The following SHPRH variants were observed in gnomAD, a reference collection of about 807,000 sequenced individuals.
The protein encoded by SHPRH is E3 ubiquitin-protein ligase SHPRH.
Under a neutral mutation model 202.5 loss-of-function variants are expected in SHPRH, and 106 were observed. The ratio of observed to expected loss-of-function variants is 0.52; its 90% CI spans 0.45 to 0.62. SHPRH has a LOEUF of 0.62. Among genes scored for constraint, SHPRH ranks in the 20% least tolerant of loss-of-function variants. SHPRH has a pLI of 0.00. For missense variants in SHPRH, 1,710 were observed against 2,020.0 expected (o/e 0.85, Z 2.94); for synonymous variants, 729 against 686.0 (o/e 1.06, Z -0.98).
chr6:145,894,333 G>C (rs1781820083), intron 26 of SHPRH, 97 bp from the exon 27 acceptor site: 1 of 871,292 alleles, frequency 1.1e-6, no homozygotes, highest in South Asian at 2.7e-5. Flanking sequence ...TTTTATACTG[G>C]AGTTAAGAAA....
At chr6:145,901,277 G>A (rs543241547) in intron 25 of SHPRH, among the ~76,000 whole-genome samples, 33 of 152,080 alleles carry the variant, frequency 2.2e-4, no homozygotes, top group African/African-American at 7.0e-4. Flanking sequence ...GTTTTATACC[G>A]CCTTAATGAG....
In SHPRH at chr6:145,934,932, C is replaced by T; in HGVS notation, c.2965G>A (p.Gly989Arg). Residue 989 changes from glycine to arginine, a missense_variant, in exon 13 of 30, where the codon GGA becomes AGA. Around this residue, in one of 8 missense-constraint regions of SHPRH, gnomAD observed 23 missense variants for 36.7 expected, o/e 0.63. Coordinates refer to ENST00000275233, the MANE Select transcript of SHPRH (RefSeq NM_001042683.3). ...CTTTTTTGGAGTGGCAAGAACTCTC[C>T]ACGAACAGCCTGTGGGTGACAGCAG... ...QACCHPQAVR[G>R]EFLPLQKSTM... 6.2e-7 allele frequency: 1 copy of T among 1,606,436 alleles called. No homozygotes were observed. The highest frequency in any genetic ancestry group is 8.5e-7 in the Non-Finnish European group (1 of 1,173,870).
intron 10 of SHPRH, among the ~76,000 whole-genome samples, 159 bp from the exon 11 acceptor site, chr6:145,940,960 C>T (rs1786706566): frequency 6.6e-6 from 1 of 152,156 alleles, no homozygotes; most frequent in Non-Finnish European, 1.5e-5. Flanking sequence ...TGTTGAATGT[C>T]ATATTCAATG....
downstream of SHPRH, among the ~76,000 whole-genome samples, chr6:145,862,415 CAACAAAACAA>C (rs10645746): frequency 2.7e-5 from 4 of 149,720 alleles, no homozygotes; most frequent in South Asian, 2.1e-4. Flanking sequence ...GACTCCGTCT[CAACAAAACAA>C]AACAAAACAA....
At chr6:145,952,556 T>C in intron 2 of SHPRH, 78 bp from the exon 3 acceptor site, 1 of 1,343,960 alleles carries the variant, frequency 7.4e-7, no homozygotes, top group South Asian at 1.6e-5. Flanking sequence ...CAAGAAAAAA[T>C]TAGCATCACT....
rs2128774702 is a variant in SHPRH at position 145,939,040 on chromosome 6, C to A, written c.2569+1683G>T. 1.3e-5 allele frequency among the ~76,000 whole-genome samples: 2 copies of A among 152,132 alleles called. 1 individual carries two copies. The highest frequency in any genetic ancestry group is 4.2e-4 in the South Asian group (2 of 4,810). ...TTCCCAAAGAAGAATTATCTGGCCCCAAATGTCAATATGGCCAATGTTGAG... is the reference window on the plus strand; with the variant it reads ...TTCCCAAAGAAGAATTATCTGGCCCAAAATGTCAATATGGCCAATGTTGAG... On this transcript the variant is annotated intron_variant, in intron 11 of 29. Coordinates refer to ENST00000275233, the MANE Select transcript of SHPRH (RefSeq NM_001042683.3).
chr6:145,919,522 T>C, intron 21 of SHPRH, 31 bp from the exon 22 acceptor site: 1 of 1,606,246 alleles, frequency 6.2e-7, no homozygotes, highest in Non-Finnish European at 8.5e-7. Context: ...AACACAGTGG[T>C]AAAGCATGTA....
At chr6:145,943,001 TC>T in intron 9 of SHPRH, 141 bp downstream of exon 9, 1 of 951,248 alleles carries the variant, frequency 1.1e-6, no homozygotes, top group Non-Finnish European at 1.5e-6. Flanking sequence ...TCAATTTTTT[TC>T]TTTAAGCTTT....
downstream of SHPRH, among the ~76,000 whole-genome samples, chr6:145,862,191 G>T (rs1272918718): frequency 6.6e-6 from 1 of 152,122 alleles, no homozygotes; most frequent in Non-Finnish European, 1.5e-5. Flanking sequence ...GCCGGGCACG[G>T]TGGCTCACGC....
chr6:145,948,244 C>T, intron 5 of SHPRH, 28 bp downstream of exon 5: 1 of 1,484,908 alleles, frequency 6.7e-7, no homozygotes, highest in Non-Finnish European at 9.1e-7. Context: ...TTTTTTAAAT[C>T]AAGCATATAA....
chr6:145,892,219 C>A (rs1056126751), intron 28 of SHPRH, among the ~76,000 whole-genome samples: 3 of 152,090 alleles, frequency 2.0e-5, no homozygotes, highest in Non-Finnish European at 4.4e-5. Context: ...CATTTCCCAC[C>A]ATTGTATTTT....
chr6:145,932,016 T>C (rs1454037955), intron 14 of SHPRH, among the ~76,000 whole-genome samples: 1 of 152,086 alleles, frequency 6.6e-6, no homozygotes, highest in Non-Finnish European at 1.5e-5. Flanking sequence ...GGAGAGTTTC[T>C]ATTGCTATTC....
chr6:145,914,171 G>A (rs1273281259), intron 23 of SHPRH, among the ~76,000 whole-genome samples: 1 of 152,082 alleles, frequency 6.6e-6, no homozygotes, highest in East Asian at 1.9e-4. Flanking sequence ...GTTGGCTGGG[G>A]TTGGATGGTC....
chr6:145,920,905 T>C (rs1015780358), intron 21 of SHPRH, among the ~76,000 whole-genome samples: 1 of 152,070 alleles, frequency 6.6e-6, no homozygotes, highest in Non-Finnish European at 1.5e-5. Flanking sequence ...ATGAACACAC[T>C]TTCACGGCTA....
In SHPRH at chr6:145,924,790, G is replaced by A; in HGVS notation, c.3351C>T (p.Ala1117=). The A allele has an allele frequency of 6.2e-7, 1 of 1,611,762 alleles. No individual in the cohort carries two copies. The highest frequency in any genetic ancestry group is 1.1e-5 in the South Asian group (1 of 90,966). The change falls in exon 17 of 30, where the codon GCC becomes GCT. Residue 1117 remains alanine, a synonymous_variant. Coordinates refer to ENST00000275233, the MANE Select transcript of SHPRH (RefSeq NM_001042683.3). ...GCTGCACAGGATATAAAGCTTGCTG[G>A]GCTTCAGCAACTTCTGTATTACACT... ...MSKCNTEVAE[A]QQALYPVQQT...
At position 145,946,254 on chromosome 6, in the gene SHPRH, T is replaced by C. The variant is rs1156890798; in HGVS notation, c.1300A>G (p.Lys434Glu). ...TEIQNIEFEP[K>E]EKVQCPPTRV... is the part of the protein sequence containing the mutation. ...TTACGAGGGCATTGAACTTTTTCTTTTGGTTCAAATTCGATATTCTGGATT... is the reference window on the plus strand; with the variant it reads ...TTACGAGGGCATTGAACTTTTTCTTCTGGTTCAAATTCGATATTCTGGATT... Residue 434 changes from lysine (K) to glutamate (E), a missense_variant, in exon 7 of 30, where the codon AAA (lysine) becomes GAA (glutamate). Transcript: ENST00000275233. 1.2e-6 allele frequency: 2 copies of C among 1,609,214 alleles called. No homozygotes were observed. The highest frequency in any genetic ancestry group is 1.3e-5 in the African/African-American group (1 of 74,700).
chr6:145,861,172 A>G (rs1332228408), downstream of SHPRH, among the ~76,000 whole-genome samples: 1 of 152,154 alleles, frequency 6.6e-6, no homozygotes, highest in Non-Finnish European at 1.5e-5. Flanking sequence ...AAAGAAAACA[A>G]TTAACAAAAT....
chr6:145,912,976 A>C (rs1783633143), intron 24 of SHPRH, among the ~76,000 whole-genome samples: 1 of 152,082 alleles, frequency 6.6e-6, no homozygotes, highest in African/African-American at 2.4e-5. Flanking sequence ...TCCACAAAGG[A>C]ATATATTTAA....
In SHPRH at chr6:145,940,813, G is replaced by A; in HGVS notation, c.2491-12C>T. 2 of 1,612,976 alleles carry A rather than the reference G, an allele frequency of 1.2e-6. No individual in the cohort carries two copies. Among genetic ancestry groups the A allele is most frequent in the Middle Eastern group, 1.7e-4 (1 of 6,058 alleles). ...GCCATTTCTGCAGCCTGATGAGAGGGAAAAATGAAATAAAAATGAAATCCA... is the reference window on the plus strand; with the variant it reads ...GCCATTTCTGCAGCCTGATGAGAGGAAAAAATGAAATAAAAATGAAATCCA... On this transcript the variant is annotated splice_polypyrimidine_tract_variant and intron_variant, in intron 10 of 29. Coordinates refer to ENST00000275233, the MANE Select transcript of SHPRH (RefSeq NM_001042683.3).
Sources: allele counts gnomAD v4.1 joint callset (sites outside exome capture counted in the v4.1 genomes callset), GRCh38; gene constraint gnomAD v4.1.1; regional missense constraint gnomAD v4.1.1; transcripts MANE v1.5; gene names NCBI Gene and HGNC (gene_info 2026-07-23, HGNC 2026-07-21).